Variants in KCNN3 observed in about 807,000 individuals in gnomAD.
The protein encoded by KCNN3 is small conductance calcium-activated potassium channel protein 3.
Under a neutral mutation model 62.9 loss-of-function variants are expected in KCNN3, and 16 were observed. The observed-to-expected ratio is 0.25, with a 90% CI of 0.17 to 0.39. The LOEUF (loss-of-function observed/expected upper bound fraction) is 0.39. Ranked by LOEUF, KCNN3 falls within the 10% of genes least tolerant of loss-of-function variation. The pLI, the probability that KCNN3 is intolerant of heterozygous loss-of-function variation, is 1.00. For missense variants in KCNN3, 599 were observed against 949.4 expected, an observed-to-expected ratio of 0.63 and a Z score of 4.85; for synonymous variants, 370 against 389.2, an observed-to-expected ratio of 0.95 and a Z score of 0.58.
At chr1:154,759,022 G>C (rs972142562) in intron 3 of KCNN3, among the ~76,000 whole-genome samples, 2 of 152,162 alleles carry the variant, frequency 1.3e-5, no homozygotes, top group Admixed American at 6.5e-5. Context: ...TGGCCAGGGT[G>C]GTATGGAACT....
intron 2 of KCNN3, among the ~76,000 whole-genome samples, chr1:154,797,331 T>C: frequency 6.6e-6 from 1 of 152,232 alleles, no homozygotes; most frequent in East Asian, 1.9e-4. Flanking sequence ...TTCTGACTCC[T>C]CCACTGACTG....
At chr1:154,752,917 G>A (rs1462197154) in intron 3 of KCNN3, among the ~76,000 whole-genome samples, 2 of 152,132 alleles carry the variant, frequency 1.3e-5, no homozygotes, top group South Asian at 2.1e-4. Flanking sequence ...ACTAGGCTCC[G>A]AGCACCCGGC....
At chr1:154,823,216 TAG>T (rs1650976344) in intron 1 of KCNN3, among the ~76,000 whole-genome samples, 2 of 152,156 alleles carry the variant, frequency 1.3e-5, no homozygotes, top group African/African-American at 2.4e-5. Flanking sequence ...AAGCTGGAAG[TAG>T]AGATAGCTCC....
At chr1:154,781,758 G>A (rs946749195) in intron 2 of KCNN3, among the ~76,000 whole-genome samples, 2 of 152,222 alleles carry the variant, frequency 1.3e-5, no homozygotes, top group African/African-American at 4.8e-5. Flanking sequence ...AGCATGAGTT[G>A]AGCCCCCATT....
intron 1 of KCNN3, among the ~76,000 whole-genome samples, chr1:154,858,043 T>G (rs146727770): frequency 1.3e-5 from 2 of 152,172 alleles, no homozygotes; most frequent in Admixed American, 1.3e-4. Context: ...TGCTCTCAGC[T>G]TGCATCAATT....
At chr1:154,753,561 A>T (rs1397841798) in intron 3 of KCNN3, among the ~76,000 whole-genome samples, 1 of 152,212 alleles carries the variant, frequency 6.6e-6, no homozygotes, top group East Asian at 1.9e-4. Flanking sequence ...GCCCTGCCAC[A>T]GGCGATCGGG....
In KCNN3 at chr1:154,861,136, G is replaced by A. The variant is rs554789001; in HGVS notation, c.933+7896C>T. 5.3e-5 allele frequency among the ~76,000 whole-genome samples: 8 copies of A among 152,088 alleles called. No homozygotes were observed. In the South Asian group the frequency reaches 1.7e-3, roughly 32 times the overall value. ...GGTCCGGCTAATTTTCTTATTTTTA[G>A]TAGAGATGAGGTTTCGCCATGTTGG... is the stretch of plus-strand genomic sequence containing the variant. On this transcript the variant is annotated intron_variant, in intron 1 of 7. Coordinates refer to ENST00000271915, the MANE Select transcript of KCNN3 (RefSeq NM_002249.6).
In KCNN3 at chr1:154,705,762, A is replaced by T. The variant is rs1447300824; in HGVS notation, c.*2214T>A. ...ACACATATCACAGGGTTATAGCAGA[A>T]TGAAAACGGTGGGTAGGAATCACCA... On this transcript the variant is annotated 3_prime_UTR_variant, in exon 8 of 8. Transcript: ENST00000271915. The T allele has an allele frequency of 6.6e-6, 1 of 152,272 alleles. No homozygotes were observed. The highest frequency in any genetic ancestry group is 1.5e-5 in the Non-Finnish European group (1 of 68,068). 9.4% of individuals were successfully genotyped at this position (152,272 alleles called of 1,614,324 possible).
intron 1 of KCNN3, among the ~76,000 whole-genome samples, chr1:154,833,654 A>C (rs552291183): frequency 5.2e-4 from 79 of 152,308 alleles, no homozygotes; most frequent in African/African-American, 1.8e-3. Flanking sequence ...AAGGGCTGAT[A>C]ATGCCCTAAG....
In KCNN3 at chr1:154,772,409, A is replaced by G; in HGVS notation, c.1030-16T>C. ...TCACGAAGAGCTGGTGGGAGCAGAA[A>G]GTCCATTAGTGTGGCCAGGACCAGG... On this transcript the variant is annotated splice_polypyrimidine_tract_variant and intron_variant, in intron 2 of 7. Coordinates refer to ENST00000271915, the MANE Select transcript of KCNN3 (RefSeq NM_002249.6). The surrounding 1 kb of genome is among the most constrained non-coding windows in gnomAD (Gnocchi z 5.6). 6.2e-7 allele frequency: 1 copy of G among 1,613,518 alleles called. No individual in the cohort carries two copies. Among genetic ancestry groups the G allele is most frequent in the South Asian group, 1.1e-5 (1 of 90,934 alleles).
At chr1:154,859,647 T>A in intron 1 of KCNN3, 2 of 1,581,294 alleles carry the variant, frequency 1.3e-6, no homozygotes, top group Non-Finnish European at 1.7e-6. Context: ...CAACAGGTCA[T>A]CTGCTTCCTC....
intron 2 of KCNN3, among the ~76,000 whole-genome samples, chr1:154,798,631 A>T (rs897688093): frequency 7.9e-5 from 12 of 152,240 alleles, no homozygotes; most frequent in Non-Finnish European, 4.4e-5. Flanking sequence ...GACATTTCTT[A>T]AGGGTAATGG....
chr1:154,759,004 C>T (rs773316656), intron 3 of KCNN3, among the ~76,000 whole-genome samples: 6 of 152,148 alleles, frequency 3.9e-5, no homozygotes, highest in African/African-American at 9.7e-5. Context: ...GACAGCGTTT[C>T]GCCATGTTGG....
chr1:154,858,082 C>T (rs553593107), intron 1 of KCNN3, among the ~76,000 whole-genome samples: 2 of 152,246 alleles, frequency 1.3e-5, no homozygotes, highest in South Asian at 4.2e-4. Flanking sequence ...ATCTTTCCAT[C>T]GCTGGCACAT....
intron 1 of KCNN3, among the ~76,000 whole-genome samples, chr1:154,833,905 A>C (rs1405710459): frequency 6.6e-6 from 1 of 152,250 alleles, no homozygotes; most frequent in Non-Finnish European, 1.5e-5. Context: ...CAAAAGCTTA[A>C]ACATAAATAA....
chr1:154,867,445 G>A (rs1309254334), intron 1 of KCNN3, among the ~76,000 whole-genome samples: 1 of 152,128 alleles, frequency 6.6e-6, no homozygotes, highest in Non-Finnish European at 1.5e-5. Context: ...GGTTGCTGGA[G>A]GACCCTCTGC....
chr1:154,822,912 G>T (rs565175788), intron 1 of KCNN3, among the ~76,000 whole-genome samples: 4 of 152,320 alleles, frequency 2.6e-5, no homozygotes, highest in African/African-American at 9.6e-5. Context: ...GTGTGGTTAA[G>T]GGCATGACCT....
chr1:154,787,277 C>T (rs1048673574), intron 2 of KCNN3, among the ~76,000 whole-genome samples: 1 of 152,218 alleles, frequency 6.6e-6, no homozygotes, highest in Admixed American at 6.5e-5. Context: ...GCCCTCCCCA[C>T]GGTTGAGAAA....
chr1:154,847,623 TCCCCAGC>T (rs1652131725), intron 1 of KCNN3, among the ~76,000 whole-genome samples: 1 of 152,156 alleles, frequency 6.6e-6, no homozygotes, highest in Admixed American at 6.5e-5. Flanking sequence ...CCTAGGATTT[TCCCCAGC>T]CCCTCAAAGC....
Sources: allele counts gnomAD v4.1 joint callset (sites outside exome capture counted in the v4.1 genomes callset), GRCh38; gene constraint gnomAD v4.1.1; non-coding constraint Gnocchi (gnomAD v3.1); transcripts MANE v1.5; gene names NCBI Gene and HGNC (gene_info 2026-07-23, HGNC 2026-07-21).